The following RERE variants were observed in gnomAD, a reference collection of about 807,000 sequenced individuals.
RERE encodes arginine-glutamic acid dipeptide repeats, also known as arginine-glutamic acid dipeptide repeats protein.
Under a neutral mutation model 146.1 loss-of-function variants are expected in RERE, and 40 were observed. That is an observed-to-expected ratio of 0.27 (90% CI 0.21 to 0.36). The LOEUF (loss-of-function observed/expected upper bound fraction) is 0.36. RERE is among the 10% of genes least tolerant of loss of function. The probability of loss-of-function intolerance (pLI) is 1.00; values close to 1 mark genes in which losing one functional copy is unlikely to be tolerated. For synonymous variants in RERE, 1,003 were observed against 866.0 expected (o/e 1.16, Z -2.78); for missense variants, 1,933 against 2,138.7 (o/e 0.90, Z 1.90).
At chr1:8,725,184 T>G (rs1639936166) in intron 1 of RERE, among the ~76,000 whole-genome samples, 1 of 152,226 alleles carries the variant, frequency 6.6e-6, no homozygotes, top group Non-Finnish European at 1.5e-5. Context: ...GCACATTAGT[T>G]TTAACATTAC....
At chr1:8,713,594 C>T (rs1398931199) in intron 1 of RERE, among the ~76,000 whole-genome samples, 3 of 151,912 alleles carry the variant, frequency 2.0e-5, no homozygotes, top group African/African-American at 4.8e-5. Flanking sequence ...ATTAGCTGGG[C>T]GTGATGGCAG....
At chr1:8,773,470 A>C (rs1242003287) in intron 1 of RERE, among the ~76,000 whole-genome samples, 1 of 152,146 alleles carries the variant, frequency 6.6e-6, no homozygotes, top group Non-Finnish European at 1.5e-5. Flanking sequence ...AAGGTGCGCC[A>C]ATCACTTGAG....
chr1:8,384,264 CCT>C (rs1485889220), intron 12 of RERE, among the ~76,000 whole-genome samples: 2 of 152,154 alleles, frequency 1.3e-5, no homozygotes, highest in African/African-American at 4.8e-5. Flanking sequence ...CCAGTCTCTC[CCT>C]GAGTCATGCG....
At chr1:8,678,218 A>G (rs1457366063) in intron 1 of RERE, among the ~76,000 whole-genome samples, 1 of 152,204 alleles carries the variant, frequency 6.6e-6, no homozygotes, top group Middle Eastern at 3.2e-3. Context: ...TTCATTTTTC[A>G]TTATTCACTA....
At chr1:8,392,321 T>TA (rs1288490964) in intron 12 of RERE, among the ~76,000 whole-genome samples, 3 of 151,948 alleles carry the variant, frequency 2.0e-5, no homozygotes, top group Admixed American at 6.6e-5. Flanking sequence ...ATTGAAAAAA[T>TA]AAAAAAAGGT....
At position 8,360,723 on chromosome 1, in the gene RERE, G is replaced by A. The variant is rs1641534301; in HGVS notation, c.2784C>T (p.Ile928=). The change falls in exon 18 of 23, where the codon ATC becomes ATT. Residue 928 remains isoleucine (I), a synonymous_variant. Coordinates refer to ENST00000400908, the MANE Select transcript of RERE (RefSeq NM_001042681.2). ...LPPAPLAMPH[I]KPPPTTPIPQ... is the part of the protein sequence containing the mutation. ...GGATGGGAGTGGTAGGCGGGGGCTTGATGTGGGGCATGGCCAAGGGCGCTG... is the reference window on the plus strand; with the variant it reads ...GGATGGGAGTGGTAGGCGGGGGCTTAATGTGGGGCATGGCCAAGGGCGCTG... 3 of 1,591,826 alleles carry A rather than the reference G, an allele frequency of 1.9e-6. No homozygotes were observed. Among genetic ancestry groups the A allele is most frequent in the Admixed American group, 1.7e-5 (1 of 57,544 alleles).
rs915683387 is a variant in RERE, at chr1:8,356,950, C to T, written c.4340-704G>A. On this transcript the variant is annotated intron_variant, in intron 20 of 22. Transcript: ENST00000400908. This position sits in a 1 kb window ranked among gnomAD's most constrained non-coding sequence, Gnocchi z 5.2. ...TCTGCCTCTGTGGCTGCTCTTGCCC[C>T]GATTTCCCACAGCTTGCCCTTTCAT... Among the ~76,000 whole-genome samples, 4 of 152,186 alleles carry T rather than the reference C, an allele frequency of 2.6e-5. No homozygotes were observed. Among genetic ancestry groups the T allele is most frequent in the East Asian group, 1.9e-4 (1 of 5,186 alleles).
chr1:8,564,814 A>ATGTGTG (rs1375952179), intron 4 of RERE, among the ~76,000 whole-genome samples: 19 of 100,162 alleles, frequency 1.9e-4, no homozygotes, highest in Admixed American at 6.8e-4. Context: ...GTGTGTATGT[A>ATGTGTG]TGTGTGTGTA....
At chr1:8,461,964 C>A (rs1644533060) in intron 11 of RERE, among the ~76,000 whole-genome samples, 1 of 152,094 alleles carries the variant, frequency 6.6e-6, no homozygotes, top group Non-Finnish European at 1.5e-5. Flanking sequence ...CCAACCTCAG[C>A]CTCCCAAGTA....
At chr1:8,682,089 G>A (rs1638984734) in intron 1 of RERE, among the ~76,000 whole-genome samples, 1 of 152,012 alleles carries the variant, frequency 6.6e-6, no homozygotes, top group South Asian at 2.1e-4. Context: ...CCCTGTTTTG[G>A]CTAAGTGACA....
chr1:8,479,902 A>G (rs1644808256), intron 10 of RERE, among the ~76,000 whole-genome samples: 1 of 152,226 alleles, frequency 6.6e-6, no homozygotes, highest in South Asian at 2.1e-4. Context: ...AGGTGTTTCC[A>G]AAATATAGGA....
rs1189060568 is a variant in RERE, at chr1:8,364,911, G to T, written c.1448-73C>A. The T allele has an allele frequency of 2.1e-5, 15 of 727,124 alleles. 1 individual carries two copies. Among genetic ancestry groups the T allele is most frequent in the East Asian group, 2.8e-5 (1 of 36,148 alleles). 45.0% of individuals were successfully genotyped at this position (727,124 alleles called of 1,614,324 possible). A position where few individuals can be genotyped will look rare whatever the true frequency, so the allele number is the denominator to read the frequency against. ...TCAGCCAAGGCTGGGCCGGTGGGGTGGGGGGGAGGGGGGAACACCTGTGAC... is the reference window on the plus strand; with the variant it reads ...TCAGCCAAGGCTGGGCCGGTGGGGTTGGGGGGAGGGGGGAACACCTGTGAC... On this transcript the variant is annotated intron_variant, in intron 13 of 22. Coordinates refer to ENST00000400908, the MANE Select transcript of RERE (RefSeq NM_001042681.2). The surrounding 1 kb of genome is among the most constrained non-coding windows in gnomAD (Gnocchi z 5.1).
intron 1 of RERE, among the ~76,000 whole-genome samples, chr1:8,708,299 C>T (rs1205283839): frequency 6.6e-6 from 1 of 151,958 alleles, no homozygotes; most frequent in East Asian, 1.9e-4. Context: ...CTGATGGTTG[C>T]TTTTTTGTTT....
chr1:8,607,371 A>AG (rs918597464), intron 4 of RERE, among the ~76,000 whole-genome samples: 4 of 151,226 alleles, frequency 2.6e-5, no homozygotes, highest in African/African-American at 9.7e-5. Flanking sequence ...CCAAAAAAAA[A>AG]AAAAAAAGAT....
intron 10 of RERE, among the ~76,000 whole-genome samples, chr1:8,474,807 T>C (rs1449360759): frequency 1.3e-5 from 2 of 152,232 alleles, no homozygotes; most frequent in Admixed American, 6.5e-5. Flanking sequence ...TTTTCAAATA[T>C]AGCCATTATA....
intron 4 of RERE, among the ~76,000 whole-genome samples, chr1:8,577,125 C>T (rs1265473708): frequency 2.0e-5 from 3 of 150,146 alleles, no homozygotes; most frequent in Non-Finnish European, 3.0e-5. Flanking sequence ...GCCAAGATGG[C>T]GCCACTGCAC....
At chr1:8,506,776 C>CAAG (rs1557664099) in intron 8 of RERE, among the ~76,000 whole-genome samples, 1 of 152,236 alleles carries the variant, frequency 6.6e-6, no homozygotes, top group Non-Finnish European at 1.5e-5. Context: ...CCAATTCTTT[C>CAAG]TTCCTCTCAA....
chr1:8,541,276 A>G lies in RERE; in HGVS notation c.768T>C (p.Ala256=), dbSNP rs1385421791. 7 of 1,612,198 alleles carry G rather than the reference A, an allele frequency of 4.3e-6. No homozygotes were observed. The highest frequency in any genetic ancestry group is 5.1e-6 in the Non-Finnish European group (6 of 1,178,560). The change falls in exon 7 of 23, where the codon GCT becomes GCC. Residue 256 remains alanine, a synonymous_variant. Transcript: ENST00000400908. Reference sequence around the variant, plus strand: ...AATCCACTCGGGCTTTAAACTCTCTAGCAGCAAATATGTCAGAAAAATGGG... The same window carrying G: ...AATCCACTCGGGCTTTAAACTCTCTGGCAGCAAATATGTCAGAAAAATGGG... The part of the protein sequence containing the change: ...NISHFSDIFA[A]REFKARVDSF...
intron 1 of RERE, among the ~76,000 whole-genome samples, chr1:8,696,946 CA>C (rs78819107): frequency 0.24 from 35,001 of 143,700 alleles, 4,164 homozygotes; most frequent in African/African-American, 0.3. Flanking sequence ...TTGAAATTAT[CA>C]AAAAAAAAAA....
Sources: gnomAD v4.1 joint callset for allele counts (sites outside exome capture counted in the v4.1 genomes callset) on GRCh38, gnomAD v4.1.1 for gene constraint, Gnocchi (gnomAD v3.1) non-coding constraint, MANE v1.5 for transcripts, NCBI Gene and HGNC (gene_info 2026-07-23, HGNC 2026-07-21) for gene names.